The following KRT37 variants were observed in gnomAD, a reference collection of about 807,000 sequenced individuals.
KRT37 encodes the protein keratin, type I cuticular Ha7.
Under a neutral mutation model 41.9 loss-of-function variants are expected in KRT37, and 38 were observed. That is an observed-to-expected ratio of 0.91 (90% CI 0.70 to 1.19). The LOEUF is 1.19. Among genes scored for constraint, KRT37 ranks in the 50% most tolerant of loss-of-function variants. The pLI is 0.00. For synonymous variants in KRT37, 252 were observed against 243.4 expected, an observed-to-expected ratio of 1.04 and a Z score of -0.33; for missense variants, 580 against 575.5, an observed-to-expected ratio of 1.01 and a Z score of -0.08.
rs1301074859 is a variant in KRT37 at position 41,422,080 on chromosome 17, G to A, written c.1009C>T (p.Gln337Ter). ...VNALEVERQAQHTLKDCLQNS... is the reference protein window; with the variant it reads ...VNALEVERQA ...TGAAGGACACGTACCAAGGTGTGCTGGGCTTGGCGCTCCACCTCCAGGGCA... is the reference window on the plus strand; with the variant it reads ...TGAAGGACACGTACCAAGGTGTGCTAGGCTTGGCGCTCCACCTCCAGGGCA... Residue 337 changes from glutamine to a stop codon, truncating the protein, a stop_gained, in exon 5 of 7, where the codon CAG becomes TAG. Coordinates refer to ENST00000225550, the MANE Select transcript of KRT37 (RefSeq NM_003770.5). LOFTEE classifies it high-confidence loss of function. 6.2e-7 allele frequency: 1 copy of A among 1,614,078 alleles called. No homozygotes were observed. The highest frequency in any genetic ancestry group is 8.5e-7 in the Non-Finnish European group (1 of 1,180,036).
Position 41,423,799 on chromosome 17 carries a change from C to T in KRT37, c.538G>A (p.Asp180Asn). 1 of 1,614,250 alleles carries T rather than the reference C, an allele frequency of 6.2e-7. No homozygotes were observed. ...TCATCAGCAGCCAGCTTCGCGTTGT[C>T]AATTTGTACAATCAGCCTGGCATTC... ...AENARLIVQI[D>N]NAKLAADDFR... The change falls in exon 2 of 7, where the codon GAC becomes AAC. Residue 180 changes from aspartate (D) to asparagine (N), a missense_variant. Transcript: ENST00000225550.
At position 41,424,571 on chromosome 17, in the gene KRT37, T is replaced by C. The variant is rs546501081; in HGVS notation, c.-48A>G. 2 of 1,521,766 alleles carry C rather than the reference T, an allele frequency of 1.3e-6. No homozygotes were observed. The highest frequency in any genetic ancestry group is 2.8e-5 in the African/African-American group (2 of 72,300). 94.3% of individuals were successfully genotyped at this position (1,521,766 alleles called of 1,614,324 possible). A position where few individuals can be genotyped will look rare whatever the true frequency, so the allele number is the denominator to read the frequency against. ...GGAGCTTCAGATCAGCTGGGAAGGCTGAGCCACTGAGACTGAAGCCTCCTC... is the reference window on the plus strand; with the variant it reads ...GGAGCTTCAGATCAGCTGGGAAGGCCGAGCCACTGAGACTGAAGCCTCCTC... On this transcript the variant is annotated 5_prime_UTR_variant, in exon 1 of 7. Coordinates refer to ENST00000225550, the MANE Select transcript of KRT37 (RefSeq NM_003770.5).
intron 6 of KRT37, 21 bp from the exon 7 acceptor site, chr17:41,421,007 G>A (rs1446420057): frequency 6.4e-7 from 1 of 1,572,406 alleles, no homozygotes; most frequent in Non-Finnish European, 8.7e-7. Flanking sequence ...AGAAAGAAGA[G>A]TTACATTAAA....
chr17:41,423,597 A>G (rs118124849), intron 2 of KRT37, 165 bp downstream of exon 2: 1 of 627,618 alleles, frequency 1.6e-6, no homozygotes, highest in Non-Finnish European at 2.8e-6. Flanking sequence ...CTTTCCTCCT[A>G]TATAATGACC....
intron 3 of KRT37, 56 bp downstream of exon 3, chr17:41,422,722 G>C: frequency 1.4e-6 from 2 of 1,451,098 alleles, no homozygotes; most frequent in Non-Finnish European, 1.8e-6. Context: ...CAGGGCCGGG[G>C]AGCTCCCCTG....
At position 41,424,369 on chromosome 17, in the gene KRT37, G is replaced by A. The variant is rs775406268; in HGVS notation, c.155C>T (p.Ala52Val). Reference protein sequence around the residue: ...SMCLLANVAHANRVRVGSTPL... With the variant: ...SMCLLANVAHVNRVRVGSTPL... ...AGTCGACCCCACACGGACTCTGTTG[G>A]CGTGTGCCACGTTGGCCAAGAGGCA... Residue 52 changes from alanine to valine, a missense_variant, in exon 1 of 7, where the codon GCC (alanine) becomes GTC (valine). Physicochemically the swap from Ala to Val is moderately conservative, Grantham distance 64 (BLOSUM62 0). Coordinates refer to ENST00000225550, the MANE Select transcript of KRT37 (RefSeq NM_003770.5). The A allele has an allele frequency of 9.9e-6, 16 of 1,613,872 alleles. No individual in the cohort carries two copies. The African/African-American group carries it at 1.9e-4, about 19-fold the overall frequency.
chr17:41,423,740 G>A, intron 2 of KRT37, 22 bp downstream of exon 2: 1 of 1,608,836 alleles, frequency 6.2e-7, no homozygotes, highest in Non-Finnish European at 8.5e-7. Context: ...AAGTCACACT[G>A]ACCCTCCTCA....
rs1480938021 is a variant in KRT37, at chr17:41,420,969, C to G, written c.1259G>C (p.Cys420Ser). 1 of 1,613,246 alleles carries G rather than the reference C, an allele frequency of 6.2e-7. No homozygotes were observed. Among genetic ancestry groups the G allele is most frequent in the Non-Finnish European group, 8.5e-7 (1 of 1,179,266 alleles). The change falls in exon 7 of 7, where the codon TGT becomes TCT. Residue 420 changes from cysteine to serine, a missense_variant. Cys to Ser is a moderately radical substitution (Grantham distance 112). Transcript: ENST00000225550. The stretch of plus-strand genomic sequence containing the variant: ...AGAAGTACAGGAGGCAGGCGTGGAA[C>G]AGGGATTGCAGGGGAGTCTGCAGGG... ...SEDCKLPCNP[C>S]STPASCTSCP... is the part of the protein sequence containing the mutation.
chr17:41,422,920 C>G lies in KRT37; in HGVS notation c.590G>C (p.Arg197Pro). ...DDFRIKLESE[R>P]SLHQLVEADK... is the part of the protein sequence containing the mutation. ...CGCCTCCACCAGCTGGTGAAGGGAGCGCTCACTCTCCAGCCTTCCGTCACA... is the reference window on the plus strand; with the variant it reads ...CGCCTCCACCAGCTGGTGAAGGGAGGGCTCACTCTCCAGCCTTCCGTCACA... The change falls in exon 3 of 7, where the codon CGC becomes CCC. Residue 197 changes from arginine (R) to proline (P), a missense_variant. Physicochemically the swap from Arg to Pro is moderately radical, Grantham distance 103. Coordinates refer to ENST00000225550, the MANE Select transcript of KRT37 (RefSeq NM_003770.5). The G allele has an allele frequency of 6.2e-7, 1 of 1,613,376 alleles. No individual in the cohort carries two copies.
rs1300223301 is a variant in KRT37, at chr17:41,422,304, T to C, written c.863A>G (p.His288Arg). Residue 288 changes from histidine to arginine, a missense_variant, in exon 4 of 7, where the codon CAC (histidine) becomes CGC (arginine). His to Arg is a conservative substitution (Grantham distance 29). Coordinates refer to ENST00000225550, the MANE Select transcript of KRT37 (RefSeq NM_003770.5). ...AQYEAMVETN[H>R]QDVEQWFQAQ... ...TTGGAACCACTGTTCCACATCCTGG[T>C]GGTTGGTCTCCACCATGGCCTCGTA... 46 of 1,613,886 alleles carry C rather than the reference T, an allele frequency of 2.9e-5. 3 individuals are homozygous for C. The highest frequency in any genetic ancestry group is 8.8e-5 in the South Asian group (8 of 91,046).
chr17:41,423,163 C>G (rs1305944037), intron 2 of KRT37, among the ~76,000 whole-genome samples: 1 of 152,210 alleles, frequency 6.6e-6, no homozygotes, highest in African/African-American at 2.4e-5. Flanking sequence ...ATTCCATGCC[C>G]AGTTAATAGT....
Position 41,422,905 on chromosome 17 carries a change from A to T in KRT37, c.605T>A (p.Leu202Gln), listed in dbSNP as rs200348186. 3.9e-4 allele frequency: 630 copies of T among 1,614,056 alleles called. No homozygotes were observed. Among genetic ancestry groups the T allele is most frequent in the Non-Finnish European group, 5.0e-4 (591 of 1,179,958 alleles). ...KLESERSLHQ[L>Q]VEADKCGTQK... ...CGTCCCGCACTTGTCCGCCTCCACCAGCTGGTGAAGGGAGCGCTCACTCTC... is the reference window on the plus strand; with the variant it reads ...CGTCCCGCACTTGTCCGCCTCCACCTGCTGGTGAAGGGAGCGCTCACTCTC... Residue 202 changes from leucine (L) to glutamine (Q), a missense_variant, in exon 3 of 7, where the codon CTG becomes CAG. Transcript: ENST00000225550.
chr17:41,422,749 C>T (rs150652986), intron 3 of KRT37, 29 bp downstream of exon 3: 3 of 1,531,534 alleles, frequency 2.0e-6, no homozygotes, highest in East Asian at 5.0e-5. Context: ...CAGCGCCCTC[C>T]CCAGGAGTCT....
intron 6 of KRT37, 66 bp downstream of exon 6, chr17:41,421,301 C>A: frequency 6.5e-7 from 1 of 1,536,874 alleles, no homozygotes; most frequent in Non-Finnish European, 9.0e-7. Context: ...CAAGCACTTC[C>A]ATTACCTCTG....
Position 41,424,538 on chromosome 17 carries a change from G to C in KRT37, c.-15C>G. 6.5e-7 allele frequency: 1 copy of C among 1,547,616 alleles called. No homozygotes were observed. Among genetic ancestry groups the C allele is most frequent in the Non-Finnish European group, 8.7e-7 (1 of 1,144,410 alleles). On this transcript the variant is annotated 5_prime_UTR_variant, in exon 1 of 7. Transcript: ENST00000225550. Reference sequence around the variant, plus strand: ...AAGGAGGTCATGGTGTAGGGCTGAGGCTGCACAGGAGCTTCAGATCAGCTG... The same window carrying C: ...AAGGAGGTCATGGTGTAGGGCTGAGCCTGCACAGGAGCTTCAGATCAGCTG...
intron 3 of KRT37, 70 bp downstream of exon 3, chr17:41,422,708 G>A: frequency 7.2e-7 from 1 of 1,392,490 alleles, no homozygotes; most frequent in Non-Finnish European, 9.6e-7. Context: ...TGCTCTGAGA[G>A]CCCCAGGGCC....
intron 2 of KRT37, chr17:41,423,298 T>C (rs956320389): frequency 7.3e-6 from 2 of 274,770 alleles, no homozygotes; most frequent in African/African-American, 4.4e-5. Context: ...GTTTGCTGCT[T>C]TTCCTCTTGG....
rs2018536383 is a variant in KRT37 at position 41,421,349 on chromosome 17, T to A, written c.1241+18A>T. ...ACAGTCATGTGTGTGGCTTAGGAATTGCCCAGATCACACGTACTTGCAGTC... is the reference window on the plus strand; with the variant it reads ...ACAGTCATGTGTGTGGCTTAGGAATAGCCCAGATCACACGTACTTGCAGTC... On this transcript the variant is annotated intron_variant, in intron 6 of 6. Coordinates refer to ENST00000225550, the MANE Select transcript of KRT37 (RefSeq NM_003770.5). 1 of 1,612,724 alleles carries A rather than the reference T, an allele frequency of 6.2e-7. No individual in the cohort carries two copies. The highest frequency in any genetic ancestry group is 1.3e-5 in the African/African-American group (1 of 74,906).
intron 6 of KRT37, 144 bp from the exon 7 acceptor site, chr17:41,421,130 T>C: frequency 1.3e-6 from 1 of 774,294 alleles, no homozygotes; most frequent in Non-Finnish European, 2.1e-6. Context: ...CATCTGTGTC[T>C]TTCTACATCC....
Sources: allele counts gnomAD v4.1 joint callset (sites outside exome capture counted in the v4.1 genomes callset), GRCh38; gene constraint gnomAD v4.1.1; transcripts MANE v1.5; gene names NCBI Gene and HGNC (gene_info 2026-07-23, HGNC 2026-07-21).